Variants in STXBP5L observed in about 807,000 individuals in gnomAD.
The protein encoded by STXBP5L is syntaxin binding protein 5L.
Under a neutral mutation model 144.5 loss-of-function variants are expected in STXBP5L, and 65 were observed. The ratio of observed to expected loss-of-function variants is 0.45; its 90% CI spans 0.37 to 0.55. The LOEUF is 0.55. Among genes scored for constraint, STXBP5L ranks in the 20% least tolerant of loss-of-function variants. STXBP5L has a pLI of 0.00. For synonymous variants in STXBP5L, 505 were observed against 469.6 expected (o/e 1.08, Z -0.97); for missense variants, 1,298 against 1,405.5 (o/e 0.92, Z 1.22).
At position 121,254,887 on chromosome 3, in the gene STXBP5L, T is replaced by C; in HGVS notation, c.1442-8T>C. On this transcript the variant is annotated splice_polypyrimidine_tract_variant and splice_region_variant and intron_variant, in intron 15 of 26. Transcript: ENST00000471454. ...ATTAGAAGATAACTGTGCTTCGATG[T>C]CTTATAGTAACTCTGCAGATGCTGT... 2 of 1,593,338 alleles carry C rather than the reference T, an allele frequency of 1.3e-6. No individual in the cohort carries two copies. The highest frequency in any genetic ancestry group is 1.7e-6 in the Non-Finnish European group (2 of 1,172,140).
chr3:121,110,350 TTTTG>T lies in STXBP5L; in HGVS notation c.471-4562_471-4559del, dbSNP rs372055702. Among the ~76,000 whole-genome samples the T allele has an allele frequency of 2.5e-3, 386 of 152,190 alleles. 1 individual carries two copies. The highest frequency in any genetic ancestry group is 8.6e-3 in the African/African-American group (359 of 41,542). ...GGTTTTGTAGTAGCTGGTAACAGTT[TTTTG>T]TTTGTTTGTTTGCTTGTTTGTTTTC... On this transcript the variant is annotated intron_variant, in intron 5 of 26. Transcript: ENST00000471454.
intron 3 of STXBP5L, among the ~76,000 whole-genome samples, chr3:121,029,902 A>G (rs1454131267): frequency 5.3e-5 from 8 of 152,156 alleles, no homozygotes; most frequent in East Asian, 1.9e-4. Context: ...GAAGACATTT[A>G]TGAGGCCCAC....
chr3:121,088,005 A>G (rs915981719), intron 5 of STXBP5L, among the ~76,000 whole-genome samples: 1 of 152,070 alleles, frequency 6.6e-6, no homozygotes, highest in Non-Finnish European at 1.5e-5. Context: ...TATATATATT[A>G]TGAACCACAT....
At chr3:121,059,749 A>G (rs2041167836) in intron 5 of STXBP5L, among the ~76,000 whole-genome samples, 1 of 152,124 alleles carries the variant, frequency 6.6e-6, no homozygotes, top group African/African-American at 2.4e-5. Context: ...GGTGAATGGG[A>G]ATTCACTCAT....
chr3:121,130,323 T>G (rs1442665562), intron 7 of STXBP5L, among the ~76,000 whole-genome samples: 2 of 152,114 alleles, frequency 1.3e-5, no homozygotes, highest in African/African-American at 4.8e-5. Flanking sequence ...CAAATGACTA[T>G]GTTACCTGTG....
At chr3:121,300,594 C>T (rs1044359010) in intron 19 of STXBP5L, among the ~76,000 whole-genome samples, 2 of 151,638 alleles carry the variant, frequency 1.3e-5, no homozygotes, top group Non-Finnish European at 2.9e-5. Flanking sequence ...CAAATAGATG[C>T]ACATTATAAT....
intron 8 of STXBP5L, 130 bp downstream of exon 8, chr3:121,152,690 C>T (rs1173609291): frequency 5.2e-6 from 3 of 574,712 alleles, no homozygotes; most frequent in South Asian, 2.9e-5. Flanking sequence ...GTGCTTCACA[C>T]TGTCTTTTAG....
chr3:121,250,268 TTTGA>T (rs1156408385), intron 14 of STXBP5L, among the ~76,000 whole-genome samples: 1 of 152,056 alleles, frequency 6.6e-6, no homozygotes, highest in East Asian at 1.9e-4. Context: ...AGAATTGACA[TTTGA>T]TTATTACCAA....
At chr3:121,036,907 A>T (rs1946798251) in intron 3 of STXBP5L, among the ~76,000 whole-genome samples, 1 of 149,558 alleles carries the variant, frequency 6.7e-6, no homozygotes, top group African/African-American at 2.5e-5. Flanking sequence ...GTTATATTAT[A>T]TAATTCTTTA....
intron 4 of STXBP5L, among the ~76,000 whole-genome samples, chr3:121,042,835 A>C (rs748868581): frequency 3.3e-5 from 5 of 152,010 alleles, no homozygotes; most frequent in Non-Finnish European, 7.4e-5. Context: ...GCTATGGGGT[A>C]CTGAAATGAG....
At chr3:121,072,227 T>G (rs1454329635) in intron 5 of STXBP5L, among the ~76,000 whole-genome samples, 2 of 152,212 alleles carry the variant, frequency 1.3e-5, no homozygotes, top group African/African-American at 2.4e-5. Context: ...CCTGAGAAAG[T>G]GCAGACAAAC....
chr3:121,175,003 A>AT (rs2046877857), intron 9 of STXBP5L, among the ~76,000 whole-genome samples: 3 of 152,174 alleles, frequency 2.0e-5, no homozygotes, highest in African/African-American at 7.2e-5. Context: ...AGGCCTGCAC[A>AT]ACTACTGGAA....
intron 3 of STXBP5L, among the ~76,000 whole-genome samples, chr3:120,999,742 TAAA>T (rs2108030721): frequency 6.6e-6 from 1 of 152,286 alleles, no homozygotes; most frequent in Non-Finnish European, 1.5e-5. Context: ...AGCACTTCCT[TAAA>T]GAGCTCTTGT....
At chr3:120,972,552 G>A (rs1393134688) in intron 3 of STXBP5L, among the ~76,000 whole-genome samples, 2 of 151,936 alleles carry the variant, frequency 1.3e-5, no homozygotes, top group African/African-American at 2.4e-5. Context: ...CAGTTTGCAT[G>A]CCTCTTATTT....
rs1169653042 is a variant in STXBP5L, at chr3:121,114,918, C to T, written c.471-7C>T. The T allele has an allele frequency of 1.3e-6, 2 of 1,481,968 alleles. No individual in the cohort carries two copies. Among genetic ancestry groups the T allele is most frequent in the South Asian group, 1.4e-5 (1 of 71,634 alleles). 91.8% of individuals were successfully genotyped at this position (1,481,968 alleles called of 1,614,324 possible). ...AGATATTTTAATTATAATTTTCTTT[C>T]TTTCAGAATTACTTACTGTCATCTA... is the stretch of plus-strand genomic sequence containing the variant. On this transcript the variant is annotated splice_region_variant and splice_polypyrimidine_tract_variant and intron_variant, in intron 5 of 26. Coordinates refer to ENST00000471454, the MANE Select transcript of STXBP5L (RefSeq NM_001308330.2).
chr3:120,931,587 ATTAC>A (rs1366555157), intron 2 of STXBP5L, among the ~76,000 whole-genome samples: 1 of 152,162 alleles, frequency 6.6e-6, no homozygotes, highest in Non-Finnish European at 1.5e-5. Flanking sequence ...AAATCAATTT[ATTAC>A]TTTTAAAGTA....
Position 121,305,090 on chromosome 3 carries a change from A to G in STXBP5L, c.2111-13385A>G, listed in dbSNP as rs546173261. Among the ~76,000 whole-genome samples, 75 of 152,242 alleles carry G rather than the reference A, an allele frequency of 4.9e-4. 3 individuals are homozygous for G. The highest frequency in any genetic ancestry group is 4.4e-3 in the South Asian group (21 of 4,824). ...AGATGAAATTAAGAGATTCCTTGAA[A>G]GACAAAACTCACCAAATGTAACACC... On this transcript the variant is annotated intron_variant, in intron 19 of 26. Coordinates refer to ENST00000471454, the MANE Select transcript of STXBP5L (RefSeq NM_001308330.2).
intron 3 of STXBP5L, among the ~76,000 whole-genome samples, chr3:120,994,652 A>G (rs937816476): frequency 6.6e-6 from 1 of 152,048 alleles, no homozygotes; most frequent in African/African-American, 2.4e-5. Flanking sequence ...ATGCTATATT[A>G]TCTTTCTGAT....
At chr3:121,288,663 T>A (rs1026415216) in intron 19 of STXBP5L, among the ~76,000 whole-genome samples, 1 of 152,192 alleles carries the variant, frequency 6.6e-6, no homozygotes, top group Admixed American at 6.5e-5. Flanking sequence ...TCTATTTATG[T>A]CTTTTGCCTA....
Sources: gnomAD v4.1 joint callset for allele counts (sites outside exome capture counted in the v4.1 genomes callset) on GRCh38, gnomAD v4.1.1 for gene constraint, MANE v1.5 for transcripts, NCBI Gene and HGNC (gene_info 2026-07-23, HGNC 2026-07-21) for gene names.